Variants in TMEM26 observed in about 807,000 individuals in gnomAD.
TMEM26 encodes transmembrane protein 26.
TMEM26 carries 38 observed loss-of-function variants against 28.8 expected under a neutral mutation model. The ratio of observed to expected loss-of-function variants is 1.32; its 90% CI spans 1.02 to 1.73. The LOEUF (loss-of-function observed/expected upper bound fraction) is 1.73. TMEM26 is among the 40% of genes most tolerant of loss of function. The pLI is 0.00. For synonymous variants in TMEM26, 227 were observed against 182.9 expected (o/e 1.24, Z -1.95); for missense variants, 518 against 447.1 (o/e 1.16, Z -1.43).
At chr10:61,417,954 C>G (rs973691227) in intron 4 of TMEM26, among the ~76,000 whole-genome samples, 2 of 151,926 alleles carry the variant, frequency 1.3e-5, no homozygotes, top group African/African-American at 4.8e-5. Context: ...CAACCAAAGT[C>G]AAACAACAAA....
At chr10:61,422,744 G>C (rs1486790182) in intron 4 of TMEM26, among the ~76,000 whole-genome samples, 1 of 151,872 alleles carries the variant, frequency 6.6e-6, no homozygotes, top group African/African-American at 2.4e-5. Context: ...AGCAATCAAA[G>C]TTTCCATCTG....
At chr10:61,438,638 G>A (rs953832330) in intron 1 of TMEM26, among the ~76,000 whole-genome samples, 3 of 152,132 alleles carry the variant, frequency 2.0e-5, no homozygotes, top group African/African-American at 7.2e-5. Flanking sequence ...TTGGAAAAAA[G>A]TACTATCCTG....
intron 2 of TMEM26, among the ~76,000 whole-genome samples, chr10:61,434,598 G>C (rs1028866483): frequency 6.6e-6 from 1 of 152,150 alleles, no homozygotes; most frequent in African/African-American, 2.4e-5. Context: ...AAAAAGCCAT[G>C]ATAACTTGAA....
chr10:61,425,070 C>T (rs1319736601), intron 4 of TMEM26, among the ~76,000 whole-genome samples: 2 of 152,132 alleles, frequency 1.3e-5, no homozygotes, highest in Non-Finnish European at 2.9e-5. Flanking sequence ...ACTTACAGTT[C>T]CACATGGCTG....
chr10:61,438,656 G>A (rs910601862), intron 1 of TMEM26, among the ~76,000 whole-genome samples: 14 of 152,082 alleles, frequency 9.2e-5, no homozygotes, highest in African/African-American at 1.7e-4. Flanking sequence ...CTGTTTCAAC[G>A]TATTTCCTCT....
At chr10:61,419,309 G>T (rs1195356866) in intron 4 of TMEM26, among the ~76,000 whole-genome samples, 2 of 151,892 alleles carry the variant, frequency 1.3e-5, no homozygotes, top group Non-Finnish European at 2.9e-5. Flanking sequence ...AGGAAAAACT[G>T]GTCAGTAGAA....
Position 61,452,974 on chromosome 10 carries a change from G to C in TMEM26, c.108C>G (p.Tyr36Ter). Residue 36 changes from tyrosine (Y) to a stop codon, truncating the protein, a stop_gained, in exon 1 of 6, where the codon TAC becomes TAG. Coordinates refer to ENST00000399298, the MANE Select transcript of TMEM26 (RefSeq NM_178505.8). LOFTEE classifies it high-confidence loss of function. ...RVTEVKKEPR[Y>*]WLLALLNLLL... ...AGAGGTTGAGCAGCGCAAGCAGCCA[G>C]TACCGCGGCTCCTTCTTCACCTCGG... 1.2e-6 allele frequency: 2 copies of C among 1,614,100 alleles called. No homozygotes were observed. Among genetic ancestry groups the C allele is most frequent in the Non-Finnish European group, 1.7e-6 (2 of 1,180,030 alleles).
chr10:61,447,728 T>C (rs1840208324), intron 1 of TMEM26, among the ~76,000 whole-genome samples: 1 of 152,142 alleles, frequency 6.6e-6, no homozygotes, highest in African/African-American at 2.4e-5. Context: ...CTCATGACGA[T>C]TGCCCCTTTT....
intron 1 of TMEM26, among the ~76,000 whole-genome samples, 180 bp from the exon 2 acceptor site, chr10:61,436,428 T>C (rs1312096453): frequency 6.6e-6 from 1 of 152,196 alleles, no homozygotes; most frequent in African/African-American, 2.4e-5. Context: ...ATTTCTGCCA[T>C]ATGGATTATA....
intron 2 of TMEM26, among the ~76,000 whole-genome samples, chr10:61,434,419 C>T (rs1213543710): frequency 6.6e-6 from 1 of 152,092 alleles, no homozygotes; most frequent in East Asian, 1.9e-4. Context: ...ATTATAAAAG[C>T]ATTTAGGGAA....
At chr10:61,447,936 A>G (rs1007514066) in intron 1 of TMEM26, among the ~76,000 whole-genome samples, 1 of 152,184 alleles carries the variant, frequency 6.6e-6, no homozygotes, top group Non-Finnish European at 1.5e-5. Flanking sequence ...CTATTAATTC[A>G]TCTGTTTATT....
chr10:61,440,176 G>T (rs928566256), intron 1 of TMEM26, among the ~76,000 whole-genome samples: 1 of 151,894 alleles, frequency 6.6e-6, no homozygotes, highest in Non-Finnish European at 1.5e-5. Context: ...GGAGGTGGAG[G>T]TTGCAGTGAG....
intron 1 of TMEM26, among the ~76,000 whole-genome samples, chr10:61,442,822 C>T (rs1045713469): frequency 1.3e-5 from 2 of 152,166 alleles, no homozygotes; most frequent in African/African-American, 4.8e-5. Flanking sequence ...TGATTTCCAT[C>T]AAGGCTGCTT....
chr10:61,443,437 C>A (rs1329081578), intron 1 of TMEM26, among the ~76,000 whole-genome samples: 1 of 151,744 alleles, frequency 6.6e-6, no homozygotes, highest in Admixed American at 6.6e-5. Context: ...TGCACTCCAG[C>A]CTGGGCAACT....
chr10:61,452,359 C>T (rs112491732), intron 1 of TMEM26, among the ~76,000 whole-genome samples: 124 of 152,350 alleles, frequency 8.1e-4, no homozygotes, highest in Middle Eastern at 3.4e-3. Context: ...GCGACGCGCG[C>T]GGCTGGAGGG....
chr10:61,437,315 A>G (rs1370703379), intron 1 of TMEM26, among the ~76,000 whole-genome samples: 2 of 152,204 alleles, frequency 1.3e-5, no homozygotes, highest in Non-Finnish European at 2.9e-5. Flanking sequence ...GAGACAATTC[A>G]GCAGTTACAT....
At chr10:61,426,841 T>C (rs1839841210) in intron 4 of TMEM26, among the ~76,000 whole-genome samples, 1 of 152,032 alleles carries the variant, frequency 6.6e-6, no homozygotes, top group South Asian at 2.1e-4. Flanking sequence ...GTCTCCTTCT[T>C]TGAAAAAATA....
chr10:61,413,487 G>A lies in TMEM26; in HGVS notation c.654C>T (p.Ser218=), dbSNP rs1325121091. The change falls in exon 5 of 6, where the codon AGC becomes AGT. Residue 218 remains serine (S), a synonymous_variant. Coordinates refer to ENST00000399298, the MANE Select transcript of TMEM26 (RefSeq NM_178505.8). ...VYAILVIWTW[S]MLQFPLDLAV... The stretch of plus-strand genomic sequence containing the variant: ...CCAGGTCAAGTGGAAACTGCAGCAT[G>A]CTCCAAGTCCATATAACAAGGATGG... 6.2e-7 allele frequency: 1 copy of A among 1,613,042 alleles called. No individual in the cohort carries two copies. Among genetic ancestry groups the A allele is most frequent in the South Asian group, 1.1e-5 (1 of 90,998 alleles).
chr10:61,412,443 A>G (rs977590122), intron 5 of TMEM26, among the ~76,000 whole-genome samples: 5 of 152,222 alleles, frequency 3.3e-5, no homozygotes, highest in Admixed American at 2.6e-4. Context: ...AGATGGAGAA[A>G]AAGTTAAATA....
Sources: allele counts gnomAD v4.1 joint callset (sites outside exome capture counted in the v4.1 genomes callset), GRCh38; gene constraint gnomAD v4.1.1; transcripts MANE v1.5; gene names NCBI Gene and HGNC (gene_info 2026-07-23, HGNC 2026-07-21).